Variants in PTPRS observed in about 807,000 individuals in gnomAD.
The protein encoded by PTPRS is protein tyrosine phosphatase receptor type S.
PTPRS carries 63 observed loss-of-function variants against 215.3 expected under a neutral mutation model. The ratio of observed to expected loss-of-function variants is 0.29; its 90% CI spans 0.24 to 0.36. PTPRS has a LOEUF of 0.36. Ranked by LOEUF, PTPRS falls within the 10% of genes least tolerant of loss-of-function variation. The pLI is 1.00. For missense variants in PTPRS, 2,258 were observed against 2,825.8 expected (o/e 0.80, Z 4.56); for synonymous variants, 1,404 against 1,191.4 (o/e 1.18, Z -3.68).
chr19:5,334,937 TA>T (rs2050444866), intron 1 of PTPRS, among the ~76,000 whole-genome samples: 1 of 152,160 alleles, frequency 6.6e-6, no homozygotes. Flanking sequence ...GCGCCAACTC[TA>T]AATAGTCGGA....
Position 5,305,732 on chromosome 19 carries a change from A to AAAAT in PTPRS, c.-94-19502_-94-19499dup, listed in dbSNP as rs1191223090. ...TGACAGAGGGAGACCCCGTCTCTGAAAAATAAATAAATAAATATATATATA... is the reference window on the plus strand; with the variant it reads ...TGACAGAGGGAGACCCCGTCTCTGAAAAATAAATAAATAAATAAATATATATATA... On this transcript the variant is annotated intron_variant, in intron 1 of 37. Transcript: ENST00000262963. Among the ~76,000 whole-genome samples the AAAAT allele has an allele frequency of 1.2e-3, 126 of 108,212 alleles. 2 individuals are homozygous for AAAAT. Among genetic ancestry groups the AAAAT allele is most frequent in the Admixed American group, 1.5e-3 (14 of 9,536 alleles). The allele number at this position is 108,212 out of a possible 152,430, so 71.0% of individuals were successfully genotyped here.
chr19:5,278,570 G>C (rs1006447923), intron 2 of PTPRS, among the ~76,000 whole-genome samples: 2 of 152,090 alleles, frequency 1.3e-5, no homozygotes, highest in Admixed American at 6.6e-5. Flanking sequence ...TCCGCCTCCT[G>C]GGTTCAAGTG....
intron 9 of PTPRS, among the ~76,000 whole-genome samples, chr19:5,249,594 CCAAGTATCAAT>C (rs368241950): frequency 5.6e-4 from 86 of 152,320 alleles, no homozygotes; most frequent in African/African-American, 2.0e-3. Context: ...AGGATTACGG[CCAAGTATCAAT>C]CCTTGGCATC....
intron 9 of PTPRS, among the ~76,000 whole-genome samples, chr19:5,254,595 G>C (rs919542157): frequency 3.3e-5 from 5 of 152,206 alleles, no homozygotes; most frequent in African/African-American, 1.2e-4. Context: ...GGGAGGCAGA[G>C]AGAGCAGGGG....
intron 9 of PTPRS, among the ~76,000 whole-genome samples, chr19:5,255,488 G>A (rs200452649): frequency 1.2e-4 from 18 of 151,604 alleles, no homozygotes; most frequent in Non-Finnish European, 2.4e-4. Context: ...AAGACGAGTC[G>A]CTTTGGGGGA....
intron 9 of PTPRS, 142 bp downstream of exon 9, chr19:5,255,963 ATTG>A (rs2045522612): frequency 8.2e-6 from 5 of 608,598 alleles, no homozygotes; most frequent in Non-Finnish European, 1.3e-5. Flanking sequence ...ATCTTTTAAA[ATTG>A]TTGTTCATTT....
chr19:5,304,204 A>G (rs562380919), intron 1 of PTPRS, among the ~76,000 whole-genome samples: 17 of 152,008 alleles, frequency 1.1e-4, no homozygotes, highest in African/African-American at 4.1e-4. Flanking sequence ...GGTAGCTCAC[A>G]CTTGTAATCC....
intron 9 of PTPRS, among the ~76,000 whole-genome samples, chr19:5,247,615 A>G (rs1285968557): frequency 6.6e-6 from 1 of 152,120 alleles, no homozygotes; most frequent in Non-Finnish European, 1.5e-5. Flanking sequence ...GACGGACTGG[A>G]GGCTCAGTTA....
rs1317779425 is a variant in PTPRS, at chr19:5,218,481, G to T, written c.3987C>A (p.Asp1329Glu). Residue 1329 changes from aspartate to glutamate, a missense_variant, in exon 25 of 38, where the codon GAC becomes GAA. Physicochemically the swap from Asp to Glu is conservative, Grantham distance 45 (BLOSUM62 2). This residue lies in a region of PTPRS where 927 missense variants were observed against 1,125.9 expected (regional missense o/e 0.82). Transcript: ENST00000262963. ...GGTCCTTGGGGTGGTGAGGGGCGAG[G>T]TCGGCATTGTTCAGGAGGCATTTGG... ...PRTKCLLNNA[D>E]LAPHHPKDPV... 1.9e-6 allele frequency: 3 copies of T among 1,614,032 alleles called. No homozygotes were observed. The Admixed American group carries it at 5.0e-5, about 27-fold the overall frequency.
chr19:5,316,128 C>A (rs1036889079), intron 1 of PTPRS, among the ~76,000 whole-genome samples: 1 of 148,510 alleles, frequency 6.7e-6, no homozygotes, highest in Non-Finnish European at 1.5e-5. Flanking sequence ...TATACTACCC[C>A]ACCTGATGTG....
At chr19:5,219,502 C>T (rs758362142) in intron 22 of PTPRS, 35 bp from the exon 23 acceptor site, 5 of 1,533,360 alleles carry the variant, frequency 3.3e-6, no homozygotes, top group Admixed American at 4.0e-5. Context: ...CATCAGTGTC[C>T]ACCCTCCTTG....
At chr19:5,253,784 C>T (rs2045341603) in intron 9 of PTPRS, among the ~76,000 whole-genome samples, 1 of 152,168 alleles carries the variant, frequency 6.6e-6, no homozygotes. Context: ...AAACTAAGAC[C>T]CACAAAGAAG....
intron 9 of PTPRS, among the ~76,000 whole-genome samples, chr19:5,251,650 C>T (rs1163129887): frequency 1.3e-5 from 2 of 152,020 alleles, no homozygotes; most frequent in Non-Finnish European, 2.9e-5. Context: ...GTGAGGCAGG[C>T]AGCAGGCGAG....
chr19:5,253,252 T>C (rs2045292463), intron 9 of PTPRS, among the ~76,000 whole-genome samples: 1 of 152,128 alleles, frequency 6.6e-6, no homozygotes, highest in African/African-American at 2.4e-5. Flanking sequence ...AGAGATAAAT[T>C]TCAGGAGGAG....
chr19:5,301,754 G>A (rs2049311792), intron 1 of PTPRS, among the ~76,000 whole-genome samples: 1 of 150,708 alleles, frequency 6.6e-6, no homozygotes, highest in South Asian at 2.1e-4. Context: ...TCCCCTCCTT[G>A]CTCATGACTC....
chr19:5,216,647 CG>C, intron 26 of PTPRS, 72 bp downstream of exon 26: 2 of 1,263,160 alleles, frequency 1.6e-6, no homozygotes, highest in African/African-American at 3.0e-5. Flanking sequence ...ACAGGAGACA[CG>C]ATGGAGAAAC....
At chr19:5,250,846 A>G (rs1169580788) in intron 9 of PTPRS, among the ~76,000 whole-genome samples, 3 of 150,570 alleles carry the variant, frequency 2.0e-5, no homozygotes, top group Non-Finnish European at 4.4e-5. Flanking sequence ...AAGGAAACTC[A>G]AAAGTGAGGT....
rs940980849 is a variant in PTPRS, at chr19:5,210,919, C to A, written c.5235-114G>T. Reference sequence around the variant, plus strand: ...CCAGTGACAGCTACACCTACCACCCCACTGCCTGCCAGGAATGGCTGCTGG... The same window carrying A: ...CCAGTGACAGCTACACCTACCACCCAACTGCCTGCCAGGAATGGCTGCTGG... On this transcript the variant is annotated intron_variant, in intron 33 of 37. Transcript: ENST00000262963. The surrounding 1 kb of genome is among the most constrained non-coding windows in gnomAD (Gnocchi z 4.5). 24 of 1,386,526 alleles carry A rather than the reference C, an allele frequency of 1.7e-5. No homozygotes were observed. The highest frequency in any genetic ancestry group is 2.3e-5 in the Non-Finnish European group (24 of 1,041,188). 85.9% of individuals were successfully genotyped at this position (1,386,526 alleles called of 1,614,324 possible).
Position 5,215,399 on chromosome 19 carries a change from C to A in PTPRS, c.4208G>T (p.Gly1403Val). The change falls in exon 28 of 38, where the codon GGA becomes GTA. Residue 1403 changes from glycine to valine, a missense_variant. Gly to Val is a moderately radical substitution (Grantham distance 109). Transcript: ENST00000262963. ...GGAATGTTCCCATGTGAACTGCTGT[C>A]CAGGGTCGATGGACTACAGAGGAAG... is the stretch of plus-strand genomic sequence containing the variant. The part of the protein sequence containing the change: ...LSQEYESIDP[G>V]QQFTWEHSNL... The A allele has an allele frequency of 6.2e-7, 1 of 1,614,040 alleles. No individual in the cohort carries two copies. Among genetic ancestry groups the A allele is most frequent in the Non-Finnish European group, 8.5e-7 (1 of 1,180,002 alleles).
Sources: gnomAD v4.1 joint callset for allele counts (sites outside exome capture counted in the v4.1 genomes callset) on GRCh38, gnomAD v4.1.1 for gene constraint, gnomAD v4.1.1 regional missense constraint, Gnocchi (gnomAD v3.1) non-coding constraint, MANE v1.5 for transcripts, NCBI Gene and HGNC (gene_info 2026-07-23, HGNC 2026-07-21) for gene names.